The following ARID2 variants were observed in gnomAD, a reference collection of about 807,000 sequenced individuals.
ARID2 encodes the protein AT-rich interaction domain 2, also known as AT-rich interactive domain-containing protein 2.
Under a neutral mutation model 184.6 loss-of-function variants are expected in ARID2, and 32 were observed. That is an observed-to-expected ratio of 0.17 (90% confidence interval 0.13 to 0.23). The LOEUF (loss-of-function observed/expected upper bound fraction) is 0.23. ARID2 is among the 10% of genes least tolerant of loss of function. The pLI, the probability that ARID2 is intolerant of heterozygous loss-of-function variation, is 1.00. For missense variants in ARID2, 1,696 were observed against 2,197.6 expected (o/e 0.77, Z 4.56); for synonymous variants, 836 against 772.6 (o/e 1.08, Z -1.36).
chr12:45,888,816 T>C (rs1412929005), intron 16 of ARID2, among the ~76,000 whole-genome samples: 1 of 152,224 alleles, frequency 6.6e-6, no homozygotes, highest in African/African-American at 2.4e-5. Context: ...ACATTGTATG[T>C]GCCATATGTG....
intron 3 of ARID2, among the ~76,000 whole-genome samples, chr12:45,745,400 C>T (rs1941335926): frequency 6.6e-6 from 1 of 152,024 alleles, no homozygotes; most frequent in African/African-American, 2.4e-5. Flanking sequence ...ATTGACTTGC[C>T]TAAGATTATT....
At chr12:45,736,282 G>A (rs1019605832) in intron 3 of ARID2, among the ~76,000 whole-genome samples, 4 of 151,962 alleles carry the variant, frequency 2.6e-5, no homozygotes, top group Admixed American at 1.3e-4. Flanking sequence ...ACTTGAACTC[G>A]GGAGGCGGAG....
At chr12:45,756,478 T>C (rs558035863) in intron 3 of ARID2, among the ~76,000 whole-genome samples, 1 of 152,320 alleles carries the variant, frequency 6.6e-6, no homozygotes, top group African/African-American at 2.4e-5. Context: ...ATCACAAAGG[T>C]TGAGACTAAT....
At chr12:45,886,640 AG>A (rs1944197034) in intron 16 of ARID2, among the ~76,000 whole-genome samples, 2 of 152,156 alleles carry the variant, frequency 1.3e-5, no homozygotes, top group South Asian at 4.1e-4. Flanking sequence ...TCTGAAATCT[AG>A]GTGGAGGTTC....
chr12:45,830,784 T>C (rs1036898632), intron 6 of ARID2, among the ~76,000 whole-genome samples: 3 of 152,164 alleles, frequency 2.0e-5, no homozygotes, highest in African/African-American at 7.2e-5. Flanking sequence ...GCACGGTGGC[T>C]CACGCCTATA....
intron 15 of ARID2, among the ~76,000 whole-genome samples, chr12:45,859,080 A>G (rs1375088007): frequency 6.6e-6 from 1 of 152,112 alleles, no homozygotes; most frequent in Non-Finnish European, 1.5e-5. Flanking sequence ...GTGGCTTTTA[A>G]TCTAAGTTCT....
chr12:45,751,357 A>G (rs2137994415), intron 3 of ARID2, among the ~76,000 whole-genome samples: 1 of 152,352 alleles, frequency 6.6e-6, no homozygotes, highest in African/African-American at 2.4e-5. Flanking sequence ...TGACCAGACC[A>G]GAGGAAAGCA....
At chr12:45,754,124 G>T (rs895427000) in intron 3 of ARID2, among the ~76,000 whole-genome samples, 2 of 152,088 alleles carry the variant, frequency 1.3e-5, no homozygotes, top group African/African-American at 4.8e-5. Context: ...TGGTTTAGTT[G>T]TTTCAAAAAA....
rs764107975 is a variant in ARID2 at position 45,852,910 on chromosome 12, T to C, written c.4773+14T>C. On this transcript the variant is annotated intron_variant, in intron 15 of 20. Transcript: ENST00000334344. ...GTGGTCCCGCAGGTAAGTTATTCCA[T>C]GATCACATTTCTCTTATGAAATTTC... 1 of 1,541,898 alleles carries C rather than the reference T, an allele frequency of 6.5e-7. No individual in the cohort carries two copies. Among genetic ancestry groups the C allele is most frequent in the Non-Finnish European group, 8.7e-7 (1 of 1,145,842 alleles).
chr12:45,734,114 A>C (rs1339975116), intron 3 of ARID2, among the ~76,000 whole-genome samples: 1 of 152,224 alleles, frequency 6.6e-6, no homozygotes, highest in Non-Finnish European at 1.5e-5. Context: ...CACGCCTGTA[A>C]TCTCAGCACT....
intron 5 of ARID2, among the ~76,000 whole-genome samples, chr12:45,819,310 C>G (rs1261067235): frequency 1.3e-5 from 2 of 152,074 alleles, no homozygotes; most frequent in East Asian, 3.9e-4. Flanking sequence ...GTTTAAAAGA[C>G]TAAATTATTG....
At chr12:45,777,226 T>C (rs1942001565) in intron 3 of ARID2, among the ~76,000 whole-genome samples, 1 of 152,130 alleles carries the variant, frequency 6.6e-6, no homozygotes, top group African/African-American at 2.4e-5. Context: ...TCTAAAAATA[T>C]ATTCTAAAAG....
intron 3 of ARID2, among the ~76,000 whole-genome samples, chr12:45,797,056 G>T (rs1429353579): frequency 1.3e-5 from 2 of 151,826 alleles, no homozygotes; most frequent in Admixed American, 1.3e-4. Flanking sequence ...ATATTACTTT[G>T]TTTTAAAAAA....
At chr12:45,901,149 C>T (rs1227229860) in intron 20 of ARID2, among the ~76,000 whole-genome samples, 4 of 101,064 alleles carry the variant, frequency 4.0e-5, no homozygotes, top group Non-Finnish European at 8.2e-5. Context: ...TTGGAAATTT[C>T]CTTAATTTTT....
chr12:45,739,245 C>A (rs1941197878), intron 3 of ARID2, among the ~76,000 whole-genome samples: 1 of 151,918 alleles, frequency 6.6e-6, no homozygotes, highest in South Asian at 2.1e-4. Context: ...TCCCAAAGTG[C>A]TGAGATTACA....
chr12:45,855,027 C>G lies in ARID2; in HGVS notation c.4773+2131C>G, dbSNP rs1382093385. Among the ~76,000 whole-genome samples the G allele has an allele frequency of 3.3e-5, 5 of 152,302 alleles. 1 individual carries two copies. The highest frequency in any genetic ancestry group is 2.6e-4 in the Admixed American group (4 of 15,304). On this transcript the variant is annotated intron_variant, in intron 15 of 20. Transcript: ENST00000334344. ...ATTAACCTTTCTTCTTTCCACTGTTCTAGAAGATTTCTCTATAAAGCTCTA... is the reference window on the plus strand; with the variant it reads ...ATTAACCTTTCTTCTTTCCACTGTTGTAGAAGATTTCTCTATAAAGCTCTA...
At chr12:45,743,520 A>G (rs181090006) in intron 3 of ARID2, among the ~76,000 whole-genome samples, 1 of 152,322 alleles carries the variant, frequency 6.6e-6, no homozygotes, top group Admixed American at 6.5e-5. Flanking sequence ...ACAGACATGC[A>G]CCACTGTGCC....
intron 16 of ARID2, among the ~76,000 whole-genome samples, chr12:45,876,697 A>G (rs1034548602): frequency 6.6e-6 from 1 of 152,054 alleles, no homozygotes; most frequent in Non-Finnish European, 1.5e-5. Flanking sequence ...TGTGAGAATT[A>G]CCAAAATGTG....
chr12:45,853,180 A>G (rs1046055756), intron 15 of ARID2, among the ~76,000 whole-genome samples: 12 of 152,206 alleles, frequency 7.9e-5, no homozygotes, highest in African/African-American at 2.9e-4. Context: ...GAGAATTTAA[A>G]AAATGTATCT....
Sources: gnomAD v4.1 joint callset for allele counts (sites outside exome capture counted in the v4.1 genomes callset) on GRCh38, gnomAD v4.1.1 for gene constraint, MANE v1.5 for transcripts, NCBI Gene and HGNC (gene_info 2026-07-23, HGNC 2026-07-21) for gene names.